CAPN2: variants seen among roughly 807,000 people sequenced by gnomAD.
CAPN2 encodes the protein calpain 2.
Under a neutral mutation model 102.3 loss-of-function variants are expected in CAPN2, and 92 were observed. The observed-to-expected ratio is 0.90, with a 90% CI of 0.76 to 1.07. The LOEUF (loss-of-function observed/expected upper bound fraction) is 1.07, where lower values mean the gene tolerates loss of function less well. Among genes scored for constraint, CAPN2 ranks in the 50% least tolerant of loss-of-function variants. The pLI is 0.00. For synonymous variants in CAPN2, 340 were observed against 355.4 expected (o/e 0.96, Z 0.49); for missense variants, 800 against 909.4 (o/e 0.88, Z 1.55).
At chr1:223,766,556 TGTCG>T in intron 16 of CAPN2, 125 bp downstream of exon 16, 1 of 758,880 alleles carries the variant, frequency 1.3e-6, no homozygotes, top group Non-Finnish European at 2.3e-6. Flanking sequence ...GCTGAGTTGC[TGTCG>T]GACAGTCAGC....
chr1:223,714,086 A>G (rs1659810116), intron 1 of CAPN2, among the ~76,000 whole-genome samples: 1 of 152,032 alleles, frequency 6.6e-6, no homozygotes, highest in African/African-American at 2.4e-5. Flanking sequence ...CAACTTAGTC[A>G]CATGTTCCCT....
chr1:223,763,998 G>A, intron 14 of CAPN2, 152 bp from the exon 15 acceptor site: 1 of 666,280 alleles, frequency 1.5e-6, no homozygotes, highest in Non-Finnish European at 2.8e-6. Context: ...AGTGTGGTCT[G>A]GGGACAGCAG....
intron 9 of CAPN2, 86 bp downstream of exon 9, chr1:223,753,042 C>A: frequency 3.1e-6 from 4 of 1,291,912 alleles, no homozygotes. Context: ...GTACCACACC[C>A]CAGCCTAGCA....
chr1:223,706,350 A>G (rs1002106323), intron 1 of CAPN2, among the ~76,000 whole-genome samples: 4 of 152,226 alleles, frequency 2.6e-5, no homozygotes, highest in Non-Finnish European at 5.9e-5. Context: ...CTATGAGGAA[A>G]GAATAAACCC....
intron 20 of CAPN2, chr1:223,772,909 A>G (rs1661520737): frequency 1.3e-5 from 2 of 152,250 alleles, no homozygotes; most frequent in Admixed American, 6.5e-5. Context: ...TACTTCCATT[A>G]TCACCTGGCT....
chr1:223,774,019 C>T (rs1661551294), intron 20 of CAPN2, among the ~76,000 whole-genome samples: 1 of 152,040 alleles, frequency 6.6e-6, no homozygotes, highest in African/African-American at 2.4e-5. Context: ...GGTGACAGAG[C>T]AAGGCCCTGT....
chr1:223,736,029 T>C (rs1267989190), intron 2 of CAPN2, among the ~76,000 whole-genome samples: 1 of 152,146 alleles, frequency 6.6e-6, no homozygotes, highest in African/African-American at 2.4e-5. Context: ...CTGCCCACCT[T>C]GGTCTCCCAA....
rs540232845 is a variant in CAPN2 at position 223,725,895 on chromosome 1, C to T, written c.307+8064C>T. 1.3e-5 allele frequency among the ~76,000 whole-genome samples: 2 copies of T among 152,254 alleles called. No individual in the cohort carries two copies. Among genetic ancestry groups the T allele is most frequent in the Non-Finnish European group, 1.5e-5 (1 of 68,024 alleles). ...CCCATCTGCGAAATGGGAACAATGACGATGTTTGCGTCCTTTCTTTTTCTT... is the reference window on the plus strand; with the variant it reads ...CCCATCTGCGAAATGGGAACAATGATGATGTTTGCGTCCTTTCTTTTTCTT... On this transcript the variant is annotated intron_variant, in intron 2 of 20. Transcript: ENST00000295006. This position sits in a 1 kb window ranked among gnomAD's most constrained non-coding sequence, Gnocchi z 4.1.
At chr1:223,720,509 G>C (rs922745166) in intron 2 of CAPN2, among the ~76,000 whole-genome samples, 2 of 151,774 alleles carry the variant, frequency 1.3e-5, no homozygotes, top group African/African-American at 4.8e-5. Flanking sequence ...TATAGACCGG[G>C]TCTTGCCATG....
chr1:223,755,283 G>A lies in CAPN2; in HGVS notation c.1136-197G>A, dbSNP rs1002185041. Among the ~76,000 whole-genome samples the A allele has an allele frequency of 1.3e-5, 2 of 151,024 alleles. No homozygotes were observed. The highest frequency in any genetic ancestry group is 4.9e-5 in the African/African-American group (2 of 41,064). ...CTCCCGCCATTTTCTGACATCTCCCGCTGTCTCCCACCATCTTCTGCCATA... is the reference window on the plus strand; with the variant it reads ...CTCCCGCCATTTTCTGACATCTCCCACTGTCTCCCACCATCTTCTGCCATA... On this transcript the variant is annotated intron_variant, in intron 9 of 20. Transcript: ENST00000295006. This position sits in a 1 kb window ranked among gnomAD's most constrained non-coding sequence, Gnocchi z 4.1.
At chr1:223,765,932 C>CA (rs2102813837) in intron 15 of CAPN2, among the ~76,000 whole-genome samples, 1 of 152,334 alleles carries the variant, frequency 6.6e-6, no homozygotes, top group South Asian at 2.1e-4. Flanking sequence ...TCAGGTTTCT[C>CA]AGTCAGCTGG....
intron 7 of CAPN2, 61 bp from the exon 8 acceptor site, chr1:223,751,936 C>T: frequency 8.7e-7 from 1 of 1,149,268 alleles, no homozygotes; most frequent in Non-Finnish European, 1.3e-6. Flanking sequence ...TTCCTCAACT[C>T]TGGGGCCTTT....
At chr1:223,772,063 A>G (rs1661491328) in intron 19 of CAPN2, 118 bp from the exon 20 acceptor site, 2 of 1,119,116 alleles carry the variant, frequency 1.8e-6, no homozygotes, top group South Asian at 2.6e-5. Context: ...TACTAATTTG[A>G]GGGTGAGGAA....
intron 2 of CAPN2, among the ~76,000 whole-genome samples, chr1:223,718,744 C>G (rs1659950922): frequency 6.6e-6 from 1 of 152,218 alleles, no homozygotes; most frequent in Non-Finnish European, 1.5e-5. Flanking sequence ...ACCTCCTGTC[C>G]TCACCCACCT....
At chr1:223,735,298 C>T (rs903573269) in intron 2 of CAPN2, among the ~76,000 whole-genome samples, 3 of 152,086 alleles carry the variant, frequency 2.0e-5, no homozygotes, top group South Asian at 4.1e-4. Context: ...GTGGCCAAGG[C>T]GGGTGGATCA....
intron 20 of CAPN2, 82 bp from the exon 21 acceptor site, chr1:223,774,752 T>G (rs1376042131): frequency 7.8e-7 from 1 of 1,282,602 alleles, no homozygotes; most frequent in Non-Finnish European, 1.1e-6. Flanking sequence ...TACAAGTTTT[T>G]TGGAACAATC....
Position 223,754,150 on chromosome 1 carries a change from C to A in CAPN2, c.1135+1194C>A, listed in dbSNP as rs979233073. Among the ~76,000 whole-genome samples, 9 of 152,200 alleles carry A rather than the reference C, an allele frequency of 5.9e-5. No homozygotes were observed. Among genetic ancestry groups the A allele is most frequent in the African/African-American group, 2.2e-4 (9 of 41,446 alleles). ...AGTCACTGTGTAAGTACAGTGGCAG[C>A]AGATCATGGTCACATAGTGATTCTC... is the stretch of plus-strand genomic sequence containing the variant. On this transcript the variant is annotated intron_variant, in intron 9 of 20. Coordinates refer to ENST00000295006, the MANE Select transcript of CAPN2 (RefSeq NM_001748.5). This position sits in a 1 kb window ranked among gnomAD's most constrained non-coding sequence, Gnocchi z 4.7.
chr1:223,760,315 G>A (rs1322467428), intron 12 of CAPN2, among the ~76,000 whole-genome samples: 4 of 152,036 alleles, frequency 2.6e-5, no homozygotes, highest in Non-Finnish European at 4.4e-5. Flanking sequence ...CTGAGGTGCT[G>A]GGCTTGGGTC....
chr1:223,737,703 G>A (rs1298780952), intron 2 of CAPN2, among the ~76,000 whole-genome samples: 6 of 24,612 alleles, frequency 2.4e-4, no homozygotes, highest in Non-Finnish European at 7.5e-4. Context: ...CAAAAGAGAC[G>A]GGGCGGGGGG....
Sources: gnomAD v4.1 joint callset for allele counts (sites outside exome capture counted in the v4.1 genomes callset) on GRCh38, gnomAD v4.1.1 for gene constraint, Gnocchi (gnomAD v3.1) non-coding constraint, MANE v1.5 for transcripts, NCBI Gene and HGNC (gene_info 2026-07-23, HGNC 2026-07-21) for gene names.